SPRY3: variants seen among roughly 807,000 people sequenced by gnomAD.
The protein encoded by SPRY3 is protein sprouty homolog 3.
In SPRY3, 15 loss-of-function variants were observed where a neutral mutation model predicts 20.2. That is an observed-to-expected ratio of 0.74 (90% CI 0.50 to 1.14). SPRY3 has a LOEUF of 1.14. SPRY3 is among the 50% of genes most tolerant of loss of function. The pLI is 0.00. For missense variants in SPRY3, 364 were observed against 363.9 expected, an observed-to-expected ratio of 1.00 and a Z score of 0.00; for synonymous variants, 143 against 136.5, an observed-to-expected ratio of 1.05 and a Z score of -0.33.
chrX:155,748,780 C>T (rs745307765), intron 2 of SPRY3, among the ~76,000 whole-genome samples: 1 of 151,744 alleles, frequency 6.6e-6, no homozygotes, highest in Admixed American at 6.6e-5. Context: ...TTTCCACGTA[C>T]AATAAACAAG....
intron 3 of SPRY3, among the ~76,000 whole-genome samples, chrX:155,770,318 T>G (rs1382013789): frequency 1.3e-5 from 2 of 152,192 alleles, no homozygotes; most frequent in Non-Finnish European, 2.9e-5. Context: ...GATTTTAGGT[T>G]CCAGGGAGAA....
At chrX:155,714,473 C>G (rs1176874803) in intron 2 of SPRY3, among the ~76,000 whole-genome samples, 2 of 152,136 alleles carry the variant, frequency 1.3e-5, no homozygotes, top group Non-Finnish European at 2.9e-5. Flanking sequence ...TCTGTACTAC[C>G]AGGCAGAGAC....
chrX:155,738,506 C>G (rs2091183560), intron 2 of SPRY3, among the ~76,000 whole-genome samples: 1 of 152,106 alleles, frequency 6.6e-6, no homozygotes, highest in African/African-American at 2.4e-5. Context: ...AATTCTGCAC[C>G]TTCAACTGAG....
chrX:155,768,508 T>G (rs1433384323), intron 3 of SPRY3, among the ~76,000 whole-genome samples: 3 of 151,896 alleles, frequency 2.0e-5, no homozygotes, highest in African/African-American at 7.2e-5. Flanking sequence ...GAGCCCGTGC[T>G]AAGGCCAGTC....
intron 2 of SPRY3, among the ~76,000 whole-genome samples, chrX:155,675,887 G>T (rs2068057653): frequency 9.0e-6 from 1 of 111,324 alleles, no homozygotes; most frequent in Non-Finnish European, 1.9e-5. Flanking sequence ...TAAGCATGGA[G>T]TTTTCAGTAG....
chrX:155,687,616 C>A (rs1205285141), intron 2 of SPRY3, among the ~76,000 whole-genome samples: 5 of 112,269 alleles, frequency 4.5e-5, no homozygotes, highest in Non-Finnish European at 3.8e-5. Flanking sequence ...CTTACAGATT[C>A]TTCCCTCATT....
chrX:155,691,084 C>T (rs2068100945), intron 2 of SPRY3, among the ~76,000 whole-genome samples: 1 of 86,229 alleles, frequency 1.2e-5, no homozygotes, highest in Non-Finnish European at 2.2e-5. Context: ...AATATTTTTC[C>T]TATGTTTTCT....
chrX:155,650,080 C>T (rs1030870569), intron 1 of SPRY3, among the ~76,000 whole-genome samples: 1 of 111,167 alleles, frequency 9.0e-6, no homozygotes, highest in East Asian at 2.8e-4. Context: ...TCAAGGAGAA[C>T]TACAAATCAC....
At chrX:155,665,411 C>A (rs1274896150) in intron 2 of SPRY3, among the ~76,000 whole-genome samples, 1 of 110,988 alleles carries the variant, frequency 9.0e-6, no homozygotes, top group Non-Finnish European at 1.9e-5. Context: ...ATGTTCATTG[C>A]AAACGATTTG....
intron 2 of SPRY3, among the ~76,000 whole-genome samples, chrX:155,698,997 A>G (rs932898567): frequency 7.1e-5 from 8 of 112,386 alleles, no homozygotes; most frequent in African/African-American, 2.6e-4. Context: ...GATTGAAAAG[A>G]AGGCAAAGAT....
chrX:155,746,448 A>T (rs1160069665), intron 2 of SPRY3, among the ~76,000 whole-genome samples: 2 of 152,036 alleles, frequency 1.3e-5, no homozygotes, highest in Non-Finnish European at 2.9e-5. Flanking sequence ...CAATACAAAG[A>T]CCTTGTAAAC....
chrX:155,744,059 T>G (rs2091215027), intron 2 of SPRY3, among the ~76,000 whole-genome samples: 1 of 151,536 alleles, frequency 6.6e-6, no homozygotes, highest in African/African-American at 2.4e-5. Flanking sequence ...CTGGAGGGGG[T>G]ACAGAAGGGA....
intron 1 of SPRY3, among the ~76,000 whole-genome samples, chrX:155,623,023 A>G (rs1428143272): frequency 8.9e-6 from 1 of 111,979 alleles, no homozygotes; most frequent in Admixed American, 9.5e-5. Flanking sequence ...TAGGCCAAAC[A>G]GAATCCTATA....
chrX:155,738,954 A>G lies in SPRY3; in HGVS notation c.-281-29008A>G, dbSNP rs185493518. 1.4e-4 allele frequency among the ~76,000 whole-genome samples: 21 copies of G among 152,288 alleles called. No homozygotes were observed. The East Asian group carries it at 3.9e-3, about 28-fold the overall frequency. ...GGGCCCCACTTCCATGGAACCTCAC[A>G]AGTCACAACCCACTGGGTTAGAATT... On this transcript the variant is annotated intron_variant, in intron 2 of 3. Coordinates refer to ENST00000675360, the Ensembl canonical transcript of SPRY3.
chrX:155,667,238 T>C (rs1188046484), intron 2 of SPRY3, among the ~76,000 whole-genome samples: 1 of 110,331 alleles, frequency 9.1e-6, no homozygotes, highest in African/African-American at 3.3e-5. Flanking sequence ...AGGGATACAG[T>C]AGGAGGATGA....
chrX:155,704,012 G>T (rs778439850), intron 2 of SPRY3, among the ~76,000 whole-genome samples: 5 of 151,708 alleles, frequency 3.3e-5, no homozygotes, highest in Admixed American at 6.6e-5. Flanking sequence ...CGCACTAAAG[G>T]CCTACTAGAA....
At chrX:155,765,649 G>A (rs1228878530) in intron 2 of SPRY3, among the ~76,000 whole-genome samples, 1 of 152,102 alleles carries the variant, frequency 6.6e-6, no homozygotes, top group Non-Finnish European at 1.5e-5. Context: ...CATCCTAAGA[G>A]GTAAGAAGGC....
chrX:155,672,442 C>T (rs1208470547), intron 2 of SPRY3, among the ~76,000 whole-genome samples: 1 of 111,237 alleles, frequency 9.0e-6, no homozygotes, highest in Non-Finnish European at 1.9e-5. Flanking sequence ...GACATTTATG[C>T]AGCCAAAAGA....
At chrX:155,775,418 C>CT (rs1319004122) in exon 4 of SPRY3, 1 of 167,232 alleles carries the variant, frequency 6.0e-6, no homozygotes. Flanking sequence ...CCCTTTTTCT[C>CT]TAACATGTCC....
Sources: gnomAD v4.1 joint callset for allele counts (sites outside exome capture counted in the v4.1 genomes callset) on GRCh38, gnomAD v4.1.1 for gene constraint, MANE v1.5 for transcripts, NCBI Gene and HGNC (gene_info 2026-07-23, HGNC 2026-07-21) for gene names.